The following NACA variants were observed in gnomAD, a reference collection of about 807,000 sequenced individuals.
The protein encoded by NACA is nascent polypeptide-associated complex subunit alpha.
A neutral mutation model predicts 86.4 loss-of-function variants in NACA; 42 were observed. That is an observed-to-expected ratio of 0.49 (90% confidence interval 0.38 to 0.63). NACA has a LOEUF of 0.63. Ranked by LOEUF, NACA falls within the 20% of genes least tolerant of loss-of-function variation. NACA has a pLI of 0.00. For synonymous variants in NACA, 898 were observed against 973.7 expected (o/e 0.92, Z 1.45); for missense variants, 2,157 against 2,483.6 (o/e 0.87, Z 2.80).
At chr12:56,722,133 A>G (rs530534264) in intron 2 of NACA, among the ~76,000 whole-genome samples, 17 of 152,360 alleles carry the variant, frequency 1.1e-4, no homozygotes, top group South Asian at 6.2e-4. Context: ...TCAGAATTTA[A>G]TATCAAGTAT....
chr12:56,716,699 TG>T lies in NACA; in HGVS notation c.4830del (p.Glu1612ArgfsTer8). On this transcript the variant is annotated frameshift_variant, in exon 3 of 9. Coordinates refer to ENST00000454682, the MANE Select transcript of NACA (RefSeq NM_001365896.1). LOFTEE classifies it high-confidence loss of function. ...LIPPAVTSPS[P>X]KEAPTPPAVT... ...ACAGCTGGAGGAGTAGGTGCCTCTT[TG>T]GGGGAAGGAGAAGTCACAGCTGGTG... 7.1e-7 allele frequency: 1 copy of T among 1,406,080 alleles called. No homozygotes were observed. The highest frequency in any genetic ancestry group is 1.2e-5 in the South Asian group (1 of 83,866). The allele number at this position is 1,406,080 out of a possible 1,614,324, so 87.1% of individuals were successfully genotyped here. A position where few individuals can be genotyped will look rare whatever the true frequency, so the allele number is the denominator to read the frequency against.
At position 56,718,374 on chromosome 12, in the gene NACA, G is replaced by A; in HGVS notation, c.3156C>T (p.Leu1052=). The change falls in exon 3 of 9, where the codon CTC becomes CTT. Residue 1052 remains leucine, a synonymous_variant. Coordinates refer to ENST00000454682, the MANE Select transcript of NACA (RefSeq NM_001365896.1). ...SPKGSPAATP[L]PKGAPTTPAA... ...CTGGGGTTGTGGGGGCCCCTTTGGG[G>A]AGTGGGGTAGCTGCTGGACTTCCTT... 3.3e-6 allele frequency: 4 copies of A among 1,209,604 alleles called. No homozygotes were observed. The Middle Eastern group carries it at 1.1e-3, about 320-fold the overall frequency. 74.9% of individuals were successfully genotyped at this position (1,209,604 alleles called of 1,614,324 possible).
Position 56,719,904 on chromosome 12 carries a change from G to C in NACA, c.1626C>G (p.Ala542=). 1 of 1,613,834 alleles carries C rather than the reference G, an allele frequency of 6.2e-7. No individual in the cohort carries two copies. The highest frequency in any genetic ancestry group is 8.5e-7 in the Non-Finnish European group (1 of 1,179,856). ...GTCCTGCTTGGGCTGGAGAGAAAGG[G>C]GCTCCTTCAAGAGAGGCAGGTACAG... ...LQTVPASLEG[A]PFSPAQAGLT... is the part of the protein sequence containing the mutation. The change falls in exon 3 of 9, where the codon GCC becomes GCG. Residue 542 remains alanine, a synonymous_variant. Transcript: ENST00000454682.
Position 56,719,740 on chromosome 12 carries a change from T to G in NACA, c.1790A>C (p.Glu597Ala), listed in dbSNP as rs1262224045. ...EATLAKKSLGEPLPIGKPASS... is the reference protein window; with the variant it reads ...EATLAKKSLGAPLPIGKPASS... The stretch of plus-strand genomic sequence containing the variant: ...GGCTGGCTTACCTATAGGGAGAGGC[T>G]CCCCAAGGCTTTTCTTTGCTAGGGT... The change falls in exon 3 of 9, where the codon GAG becomes GCG. Residue 597 changes from glutamate (E) to alanine (A), a missense_variant. By Grantham distance (107) the Glu-to-Ala change is moderately radical (BLOSUM62 -1). Around this residue, in one of 8 missense-constraint regions of NACA, gnomAD observed 947 missense variants for 917.9 expected, o/e 1.03. Coordinates refer to ENST00000454682, the MANE Select transcript of NACA (RefSeq NM_001365896.1). The G allele has an allele frequency of 6.2e-7, 1 of 1,613,864 alleles. No individual in the cohort carries two copies. The highest frequency in any genetic ancestry group is 8.5e-7 in the Non-Finnish European group (1 of 1,179,874).
In NACA at chr12:56,720,057, T is replaced by G; in HGVS notation, c.1473A>C (p.Lys491Asn). The G allele has an allele frequency of 6.2e-7, 1 of 1,613,838 alleles. No individual in the cohort carries two copies. Among genetic ancestry groups the G allele is most frequent in the Non-Finnish European group, 8.5e-7 (1 of 1,179,840 alleles). Residue 491 changes from lysine (K) to asparagine (N), a missense_variant, in exon 3 of 9, where the codon AAA becomes AAC. Lys to Asn is a moderately conservative substitution (Grantham distance 94). Coordinates refer to ENST00000454682, the MANE Select transcript of NACA (RefSeq NM_001365896.1). ...AALVMAPVAP[K>N]EPSTQVATTL... is the part of the protein sequence containing the mutation. The stretch of plus-strand genomic sequence containing the variant: ...TGGTTGCTACTTGAGTAGAAGGCTC[T>G]TTGGGAGCCACAGGTGCCATAACCA...
Position 56,712,502 on chromosome 12 carries a change from T to G in NACA, c.*36A>C, listed in dbSNP as rs111991482. ...AAATTTCAAACCAAGCTGCAGTTACTCCTTTGAGACACCAAAAAAAGTTGC... is the reference window on the plus strand; with the variant it reads ...AAATTTCAAACCAAGCTGCAGTTACGCCTTTGAGACACCAAAAAAAGTTGC... On this transcript the variant is annotated 3_prime_UTR_variant, in exon 9 of 9. Transcript: ENST00000454682. 1,033 of 1,597,868 alleles carry G rather than the reference T, an allele frequency of 6.5e-4. 1 individual carries two copies. The highest frequency in any genetic ancestry group is 8.1e-4 in the Non-Finnish European group (947 of 1,167,254).
Position 56,719,632 on chromosome 12 carries a change from C to T in NACA, c.1898G>A (p.Gly633Asp). The T allele has an allele frequency of 1.2e-6, 2 of 1,613,826 alleles. No individual in the cohort carries two copies. Among genetic ancestry groups the T allele is most frequent in the Non-Finnish European group, 8.5e-7 (1 of 1,179,820 alleles). ...TDSYAGPDSA[G>D]PLLKSSLITP... The stretch of plus-strand genomic sequence containing the variant: ...AATGAGAGAACTTTTGAGAAGCGGA[C>T]CAGCAGAGTCTGGGCCTGCATAAGA... Residue 633 changes from glycine to aspartate, a missense_variant, in exon 3 of 9, where the codon GGT (glycine) becomes GAT (aspartate). Gly to Asp is a moderately conservative substitution (Grantham distance 94). Coordinates refer to ENST00000454682, the MANE Select transcript of NACA (RefSeq NM_001365896.1).
In NACA at chr12:56,716,484, T is replaced by C; in HGVS notation, c.5046A>G (p.Lys1682=). 1 of 1,536,164 alleles carries C rather than the reference T, an allele frequency of 6.5e-7. No individual in the cohort carries two copies. Among genetic ancestry groups the C allele is most frequent in the Non-Finnish European group, 8.8e-7 (1 of 1,131,200 alleles). ...CTGGAGCTGGGGCAACAAGTACTTC[T>C]TTCAGAGCTGTGGGGCCTTTCTTTG... is the stretch of plus-strand genomic sequence containing the variant. ...LPAKKGPTAL[K]EVLVAPAPES... is the part of the protein sequence containing the mutation. Residue 1682 remains lysine, a synonymous_variant, in exon 3 of 9, where the codon AAA becomes AAG. Coordinates refer to ENST00000454682, the MANE Select transcript of NACA (RefSeq NM_001365896.1).
rs534688195 is a variant in NACA at position 56,716,312 on chromosome 12, G to A, written c.5218C>T (p.Pro1740Ser). ...GTCTTTGAAGAGTCTTTCTGAACAG[G>A]GAGTAGAGGGGCTGGAGCCACTGTG... is the stretch of plus-strand genomic sequence containing the variant. ...LSTVAPAPLL[P>S]VQKDSSKTAK... Residue 1740 changes from proline (P) to serine (S), a missense_variant, in exon 3 of 9, where the codon CCT becomes TCT. Physicochemically the swap from Pro to Ser is moderately conservative, Grantham distance 74. Around this residue, in one of 8 missense-constraint regions of NACA, gnomAD observed 797 missense variants for 777.6 expected, o/e 1.02. Coordinates refer to ENST00000454682, the MANE Select transcript of NACA (RefSeq NM_001365896.1). 1 of 1,612,992 alleles carries A rather than the reference G, an allele frequency of 6.2e-7. No individual in the cohort carries two copies. Among genetic ancestry groups the A allele is most frequent in the African/African-American group, 1.3e-5 (1 of 75,026 alleles).
At position 56,720,544 on chromosome 12, in the gene NACA, C is replaced by G. The variant is rs1953543016; in HGVS notation, c.986G>C (p.Ser329Thr). Residue 329 changes from serine to threonine, a missense_variant, in exon 3 of 9, where the codon AGT becomes ACT. Physicochemically the swap from Ser to Thr is moderately conservative, Grantham distance 58 (BLOSUM62 1). Around this residue, in one of 8 missense-constraint regions of NACA, gnomAD observed 947 missense variants for 917.9 expected, o/e 1.03. Transcript: ENST00000454682. ...SVQLLGQTGPSALSDPTVKTI... is the reference protein window; with the variant it reads ...SVQLLGQTGPTALSDPTVKTI... ...CTTCACTGTAGGGTCTGACAAAGCA[C>G]TAGGACCTGTTTGACCTAAAAGTTG... The G allele has an allele frequency of 1.2e-6, 2 of 1,613,952 alleles. No homozygotes were observed. Among genetic ancestry groups the G allele is most frequent in the East Asian group, 4.5e-5 (2 of 44,884 alleles).
chr12:56,722,964 G>A (rs1953614026), intron 2 of NACA, among the ~76,000 whole-genome samples: 1 of 152,152 alleles, frequency 6.6e-6, no homozygotes, highest in African/African-American at 2.4e-5. Context: ...AAGTTCTTAT[G>A]GCATCCTACC....
Position 56,716,051 on chromosome 12 carries a change from A to C in NACA, c.5479T>G (p.Ser1827Ala). ...LPSSPGLVLE[S>A]PSKPLAPADE... ...GCAGGGGCAAGGGGTTTAGAGGGTG[A>C]TTCCAACACCAGCCCAGGAGAGGAC... Residue 1827 changes from serine to alanine, a missense_variant, in exon 3 of 9, where the codon TCA (serine) becomes GCA (alanine). Around this residue, in one of 8 missense-constraint regions of NACA, gnomAD observed 797 missense variants for 777.6 expected, o/e 1.02. Coordinates refer to ENST00000454682, the MANE Select transcript of NACA (RefSeq NM_001365896.1). The C allele has an allele frequency of 6.2e-7, 1 of 1,610,858 alleles. No homozygotes were observed. Among genetic ancestry groups the C allele is most frequent in the South Asian group, 1.1e-5 (1 of 90,848 alleles).
rs181273401 is a variant in NACA at position 56,723,739 on chromosome 12, G to A, written c.70+713C>T. 2.6e-3 allele frequency among the ~76,000 whole-genome samples: 396 copies of A among 152,248 alleles called. 3 individuals are homozygous for A. The highest frequency in any genetic ancestry group is 8.7e-3 in the East Asian group (45 of 5,184). ...TTCCTTCATTTAACGCTGCACAACT[G>A]ACTCAGAAAGGCTATCATTTTAAGA... On this transcript the variant is annotated intron_variant, in intron 2 of 8. Transcript: ENST00000454682.
intron 2 of NACA, among the ~76,000 whole-genome samples, chr12:56,724,211 G>C (rs934581589): frequency 6.6e-6 from 1 of 152,148 alleles, no homozygotes; most frequent in Admixed American, 6.5e-5. Flanking sequence ...CTTCTTTTGA[G>C]GCGACAGGCA....
At chr12:56,721,688 C>T (rs1392515255) in intron 2 of NACA, among the ~76,000 whole-genome samples, 1 of 152,148 alleles carries the variant, frequency 6.6e-6, no homozygotes, top group African/African-American at 2.4e-5. Flanking sequence ...TCTCACACTT[C>T]CCCAAGTTCT....
rs758653483 is a variant in NACA, at chr12:56,713,188, G to A, written c.5973C>T (p.Ile1991=). 1.2e-5 allele frequency: 19 copies of A among 1,613,696 alleles called. No homozygotes were observed. The highest frequency in any genetic ancestry group is 5.0e-5 in the Admixed American group (3 of 59,960). Residue 1991 remains isoleucine, a splice_region_variant and synonymous_variant, in exon 7 of 9, where the codon ATC becomes ATT. Transcript: ENST00000454682. Reference sequence around the variant, plus strand: ...GTTGTGCTTGCTGGGATAAATCTTCGATCTACAGGGTAGAAAATACAGATC... The same window carrying A: ...GTTGTGCTTGCTGGGATAAATCTTCAATCTACAGGGTAGAAAATACAGATC... ...DTYIVFGEAK[I]EDLSQQAQLA... is the part of the protein sequence containing the mutation.
intron 3 of NACA, among the ~76,000 whole-genome samples, chr12:56,714,914 A>G (rs775696720): frequency 3.9e-5 from 6 of 152,172 alleles, no homozygotes; most frequent in Non-Finnish European, 8.8e-5. Flanking sequence ...ATGAGGACTA[A>G]TCACTAGAAA....
rs1386990807 is a variant in NACA at position 56,719,221 on chromosome 12, C to T, written c.2309G>A (p.Cys770Tyr). 6.7e-7 allele frequency: 1 copy of T among 1,502,014 alleles called. No homozygotes were observed. Among genetic ancestry groups the T allele is most frequent in the African/African-American group, 1.4e-5 (1 of 73,046 alleles). 93.0% of individuals were successfully genotyped at this position (1,502,014 alleles called of 1,614,324 possible). A position where few individuals can be genotyped will look rare whatever the true frequency, so the allele number is the denominator to read the frequency against. The change falls in exon 3 of 9, where the codon TGC becomes TAC. Residue 770 changes from cysteine (C) to tyrosine (Y), a missense_variant. By Grantham distance (194) the Cys-to-Tyr change is radical. Coordinates refer to ENST00000454682, the MANE Select transcript of NACA (RefSeq NM_001365896.1). Reference protein sequence around the residue: ...LAPVASSPKECPTEDSGASAT... With the variant: ...LAPVASSPKEYPTEDSGASAT... Reference sequence around the variant, plus strand: ...AGAAGCACCAGAGTCCTCAGTTGGGCACTCTTTGGGAGAGGAAGCAACAGG... The same window carrying T: ...AGAAGCACCAGAGTCCTCAGTTGGGTACTCTTTGGGAGAGGAAGCAACAGG...
rs201802620 is a variant in NACA at position 56,721,212 on chromosome 12, T to G, written c.318A>C (p.Leu106=). 1.6e-4 allele frequency: 252 copies of G among 1,613,616 alleles called. No homozygotes were observed. The highest frequency in any genetic ancestry group is 2.5e-4 in the Admixed American group (15 of 59,942). ...APEAPTFLPN[L]IGPPISPAAL... ...CAGCTGGGGAGATGGGAGGCCCTAT[T>G]AGGTTTGGTAGGAAGGTTGGGGCTT... Residue 106 remains leucine, a synonymous_variant, in exon 3 of 9, where the codon CTA becomes CTC. Transcript: ENST00000454682.
Sources: allele counts gnomAD v4.1 joint callset (sites outside exome capture counted in the v4.1 genomes callset), GRCh38; gene constraint gnomAD v4.1.1; regional missense constraint gnomAD v4.1.1; transcripts MANE v1.5; gene names NCBI Gene and HGNC (gene_info 2026-07-23, HGNC 2026-07-21).